TYW1: variants seen among roughly 807,000 people sequenced by gnomAD.
TYW1 encodes the protein S-adenosyl-L-methionine-dependent tRNA 4-demethylwyosine synthase TYW1.
Under a neutral mutation model 96.2 loss-of-function variants are expected in TYW1, and 46 were observed. That is an observed-to-expected ratio of 0.48 (90% CI 0.38 to 0.61). The LOEUF is 0.61. Ranked by LOEUF, TYW1 falls within the 20% of genes least tolerant of loss-of-function variation. The pLI is 0.00. For synonymous variants in TYW1, 274 were observed against 323.0 expected (o/e 0.85, Z 1.63); for missense variants, 684 against 909.6 (o/e 0.75, Z 3.19).
chr7:67,060,697 A>G (rs1161446115), intron 9 of TYW1, among the ~76,000 whole-genome samples: 1 of 152,246 alleles, frequency 6.6e-6, no homozygotes, highest in African/African-American at 2.4e-5. Flanking sequence ...TATTGATTAT[A>G]AAATTTCAAT....
chr7:67,228,830 C>T (rs1466320805), intron 15 of TYW1, among the ~76,000 whole-genome samples: 3 of 152,192 alleles, frequency 2.0e-5, no homozygotes, highest in Admixed American at 2.0e-4. Flanking sequence ...CCGAATGATA[C>T]AAGTTTTTTC....
intron 11 of TYW1, among the ~76,000 whole-genome samples, chr7:67,089,876 A>G (rs1796659540): frequency 6.6e-6 from 1 of 152,216 alleles, no homozygotes; most frequent in South Asian, 2.1e-4. Context: ...TCTATTCAAA[A>G]TGCTGCCTGC....
chr7:67,096,205 T>C (rs576416474), intron 11 of TYW1, among the ~76,000 whole-genome samples: 202 of 152,274 alleles, frequency 1.3e-3, no homozygotes, highest in Non-Finnish European at 2.3e-3. Flanking sequence ...CTGGCCAACA[T>C]GGTGAAACCA....
chr7:67,111,297 G>A (rs13245776), intron 12 of TYW1, among the ~76,000 whole-genome samples: 1 of 151,904 alleles, frequency 6.6e-6, no homozygotes, highest in East Asian at 1.9e-4. Context: ...TCCGCCTCCC[G>A]GGTTCAAGCA....
intron 13 of TYW1, among the ~76,000 whole-genome samples, chr7:67,177,718 T>C (rs1415203815): frequency 1.3e-5 from 2 of 152,202 alleles, no homozygotes; most frequent in African/African-American, 2.4e-5. Flanking sequence ...AAAACTCTGA[T>C]ACAACGCGGG....
At chr7:67,188,884 T>C (rs1328289817) in intron 14 of TYW1, among the ~76,000 whole-genome samples, 1 of 152,188 alleles carries the variant, frequency 6.6e-6, no homozygotes, top group Non-Finnish European at 1.5e-5. Context: ...TGTATTTCAA[T>C]TGAGTTGCTT....
chr7:67,220,201 A>ATTTTTTTTTTTT lies in TYW1; in HGVS notation c.1978-18098_1978-18087dup, dbSNP rs57595328. 2.8e-4 allele frequency among the ~76,000 whole-genome samples: 26 copies of ATTTTTTTTTTTT among 93,194 alleles called. 3 individuals are homozygous for ATTTTTTTTTTTT. Among genetic ancestry groups the ATTTTTTTTTTTT allele is most frequent in the African/African-American group, 3.6e-4 (8 of 22,084 alleles). 61.1% of individuals were successfully genotyped at this position (93,194 alleles called of 152,430 possible). ...ATTTTTTAGTTTCATTCATTTATTG[A>ATTTTTTTTTTTT]TTTTTTTTTTTTTTTTTTTTGAGAT... On this transcript the variant is annotated intron_variant, in intron 15 of 15. Transcript: ENST00000359626.
chr7:67,046,362 TAC>T (rs1249290512), intron 7 of TYW1, among the ~76,000 whole-genome samples: 1 of 152,132 alleles, frequency 6.6e-6, no homozygotes, highest in Non-Finnish European at 1.5e-5. Context: ...TTACCTGACC[TAC>T]AACCTGGGGG....
At chr7:67,175,170 A>AT (rs371564844) in intron 13 of TYW1, among the ~76,000 whole-genome samples, 26,129 of 136,772 alleles carry the variant, frequency 0.19, 2,836 homozygotes, top group African/African-American at 0.28. Context: ...TTAGTTCAGA[A>AT]TTTTTTTTTT....
intron 15 of TYW1, among the ~76,000 whole-genome samples, chr7:67,204,578 C>T (rs1469043605): frequency 7.1e-6 from 1 of 140,986 alleles, no homozygotes; most frequent in Non-Finnish European, 1.5e-5. Context: ...TTCCTTCTTC[C>T]TTCTTTCTTC....
At chr7:67,131,533 G>A (rs1584599723) in intron 13 of TYW1, among the ~76,000 whole-genome samples, 3 of 151,754 alleles carry the variant, frequency 2.0e-5, no homozygotes, top group Admixed American at 6.6e-5. Context: ...GGTGTTTATC[G>A]TTCCATATTG....
intron 13 of TYW1, among the ~76,000 whole-genome samples, chr7:67,148,501 C>T: frequency 6.8e-6 from 1 of 147,976 alleles, no homozygotes; most frequent in East Asian, 2.0e-4. Context: ...TCTCGGCTCA[C>T]TGCAAGCTCC....
chr7:67,158,585 C>T (rs11773012), intron 13 of TYW1, among the ~76,000 whole-genome samples: 39,362 of 151,288 alleles, frequency 0.26, 5,579 homozygotes, highest in African/African-American at 0.38. Context: ...TTATTTTTTT[C>T]TGGAGACGGA....
chr7:67,087,182 AG>A, intron 11 of TYW1, among the ~76,000 whole-genome samples: 1 of 152,336 alleles, frequency 6.6e-6, no homozygotes, highest in Non-Finnish European at 1.5e-5. Flanking sequence ...ATAAACCATG[AG>A]GTAGACTTTG....
intron 13 of TYW1, among the ~76,000 whole-genome samples, chr7:67,145,137 C>A (rs1798568284): frequency 6.9e-6 from 1 of 145,716 alleles, no homozygotes; most frequent in East Asian, 1.9e-4. Context: ...GGCATTTTAC[C>A]CTGTTTTAGT....
chr7:67,194,927 G>A (rs866116874), intron 14 of TYW1, among the ~76,000 whole-genome samples: 3 of 145,146 alleles, frequency 2.1e-5, no homozygotes, highest in Middle Eastern at 6.9e-3. Context: ...GGTAGAAAGC[G>A]CAGGTACTTA....
intron 13 of TYW1, among the ~76,000 whole-genome samples, chr7:67,147,945 GAA>G (rs34123182): frequency 1.4e-5 from 2 of 145,920 alleles, no homozygotes; most frequent in African/African-American, 2.5e-5. Context: ...AATTAATTTG[GAA>G]AAAAAAAAAG....
rs933346284 is a variant in TYW1 at position 67,045,244 on chromosome 7, T to C, written c.985-4705T>C. ...TTTATTTTTAGAGACAGGGTCTTGC[T>C]TTGTAACCCATGCTAGAGTGCAGTG... On this transcript the variant is annotated intron_variant, in intron 7 of 15. Transcript: ENST00000359626. Among the ~76,000 whole-genome samples, 8 of 152,286 alleles carry C rather than the reference T, an allele frequency of 5.3e-5. 1 individual carries two copies. Among genetic ancestry groups the C allele is most frequent in the Admixed American group, 6.5e-5 (1 of 15,284 alleles).
chr7:67,219,845 GTTTT>G (rs57991071), intron 15 of TYW1, among the ~76,000 whole-genome samples: 8 of 132,064 alleles, frequency 6.1e-5, no homozygotes, highest in African/African-American at 8.5e-5. Context: ...GGTTTTGTGG[GTTTT>G]TTTTTTTTTT....
Sources: gnomAD v4.1 joint callset for allele counts (sites outside exome capture counted in the v4.1 genomes callset) on GRCh38, gnomAD v4.1.1 for gene constraint, MANE v1.5 for transcripts, NCBI Gene and HGNC (gene_info 2026-07-23, HGNC 2026-07-21) for gene names.